Variants in GPC5 observed in about 807,000 individuals in gnomAD.
GPC5 encodes the protein glypican-5.
Under a neutral mutation model 53.9 loss-of-function variants are expected in GPC5, and 47 were observed. The ratio of observed to expected loss-of-function variants is 0.87; its 90% CI spans 0.69 to 1.11. GPC5 has a LOEUF of 1.11. GPC5 is among the 50% of genes most tolerant of loss of function. GPC5 has a pLI of 0.00. For missense variants in GPC5, 748 were observed against 713.1 expected, an observed-to-expected ratio of 1.05 and a Z score of -0.56; for synonymous variants, 286 against 263.3, an observed-to-expected ratio of 1.09 and a Z score of -0.84.
intron 5 of GPC5, among the ~76,000 whole-genome samples, chr13:91,762,986 G>A (rs2037446862): frequency 6.6e-6 from 1 of 151,800 alleles, no homozygotes; most frequent in South Asian, 2.1e-4. Flanking sequence ...CTTCTCTATT[G>A]CAGTTTCTTT....
chr13:92,846,898 T>C (rs922054891), intron 7 of GPC5, among the ~76,000 whole-genome samples: 5 of 152,208 alleles, frequency 3.3e-5, no homozygotes, highest in South Asian at 2.1e-4. Flanking sequence ...TCAAAGTCTT[T>C]CTTTTATAAT....
intron 5 of GPC5, among the ~76,000 whole-genome samples, chr13:91,905,686 A>G (rs965657651): frequency 7.2e-5 from 11 of 152,082 alleles, no homozygotes; most frequent in African/African-American, 2.2e-4. Context: ...ATAATCTCAA[A>G]CATAGAACCT....
intron 5 of GPC5, among the ~76,000 whole-genome samples, chr13:91,862,827 A>C (rs1190436866): frequency 6.6e-6 from 1 of 152,170 alleles, no homozygotes; most frequent in African/African-American, 2.4e-5. Flanking sequence ...TCAGAATCAT[A>C]CATTGACTTT....
At chr13:92,475,537 T>G (rs987531006) in intron 7 of GPC5, among the ~76,000 whole-genome samples, 3 of 151,516 alleles carry the variant, frequency 2.0e-5, no homozygotes, top group Admixed American at 6.6e-5. Context: ...GCTTGTGATT[T>G]TTGTACATTG....
chr13:91,747,831 T>C (rs1014580230), intron 4 of GPC5, among the ~76,000 whole-genome samples: 12 of 152,226 alleles, frequency 7.9e-5, no homozygotes, highest in Non-Finnish European at 1.5e-4. Flanking sequence ...TTAAACAAGA[T>C]GTTGAAGTCT....
At chr13:91,957,727 T>C (rs984237479) in intron 6 of GPC5, among the ~76,000 whole-genome samples, 1 of 151,952 alleles carries the variant, frequency 6.6e-6, no homozygotes, top group South Asian at 2.1e-4. Flanking sequence ...AACAAAGTCT[T>C]CCCCAGACAT....
intron 4 of GPC5, among the ~76,000 whole-genome samples, chr13:91,750,741 C>A (rs969035936): frequency 7.8e-6 from 1 of 128,382 alleles, no homozygotes; most frequent in Non-Finnish European, 1.5e-5. Flanking sequence ...AGTGCAATGG[C>A]GCCATCTTGG....
intron 7 of GPC5, among the ~76,000 whole-genome samples, chr13:92,602,183 ATT>A (rs1250671787): frequency 7.0e-6 from 1 of 142,796 alleles, no homozygotes; most frequent in African/African-American, 2.6e-5. Flanking sequence ...CACTATATAT[ATT>A]ACATATATAT....
At chr13:92,179,701 T>A (rs529218746) in intron 7 of GPC5, among the ~76,000 whole-genome samples, 1 of 152,356 alleles carries the variant, frequency 6.6e-6, no homozygotes, top group South Asian at 2.1e-4. Context: ...AAGAAAAATA[T>A]TCAGGGCCTA....
chr13:92,542,030 T>C (rs1270379292), intron 7 of GPC5, among the ~76,000 whole-genome samples: 2 of 152,010 alleles, frequency 1.3e-5, no homozygotes, highest in Non-Finnish European at 2.9e-5. Context: ...TGTTTTATAA[T>C]AAATTTCCAC....
At chr13:92,139,364 T>C (rs895069311) in intron 6 of GPC5, among the ~76,000 whole-genome samples, 1 of 152,198 alleles carries the variant, frequency 6.6e-6, no homozygotes, top group Non-Finnish European at 1.5e-5. Flanking sequence ...TACGGATGTT[T>C]ATCTTTCAAA....
intron 7 of GPC5, among the ~76,000 whole-genome samples, chr13:92,609,779 C>T (rs779171437): frequency 5.9e-5 from 9 of 152,072 alleles, no homozygotes; most frequent in South Asian, 2.1e-4. Context: ...CACCTGTAAT[C>T]CCAGCACTTT....
chr13:92,423,700 C>G (rs889684997), intron 7 of GPC5, among the ~76,000 whole-genome samples: 18 of 152,156 alleles, frequency 1.2e-4, no homozygotes, highest in African/African-American at 4.3e-4. Context: ...TGTTACTTAG[C>G]AACTTCACTT....
At chr13:91,775,209 T>G (rs1361941841) in intron 5 of GPC5, among the ~76,000 whole-genome samples, 1 of 152,126 alleles carries the variant, frequency 6.6e-6, no homozygotes, top group Non-Finnish European at 1.5e-5. Context: ...CTACATTTGT[T>G]TAATGACAAA....
intron 7 of GPC5, among the ~76,000 whole-genome samples, chr13:92,400,791 A>G (rs558096126): frequency 6.6e-6 from 1 of 152,224 alleles, no homozygotes; most frequent in Non-Finnish European, 1.5e-5. Flanking sequence ...CTTCCAAATA[A>G]AGAGATAACT....
At chr13:92,591,133 A>G (rs901667013) in intron 7 of GPC5, among the ~76,000 whole-genome samples, 3 of 152,206 alleles carry the variant, frequency 2.0e-5, no homozygotes, top group African/African-American at 7.2e-5. Context: ...TGGGAAAAAA[A>G]TAATGTTTAA....
chr13:91,802,847 A>G (rs1320174506), intron 5 of GPC5, among the ~76,000 whole-genome samples: 1 of 152,158 alleles, frequency 6.6e-6, no homozygotes, highest in Non-Finnish European at 1.5e-5. Flanking sequence ...TAAATAAGTT[A>G]CCTGAGCATT....
At chr13:92,057,877 TA>T (rs1301557978) in intron 6 of GPC5, among the ~76,000 whole-genome samples, 31 of 152,188 alleles carry the variant, frequency 2.0e-4, no homozygotes, top group African/African-American at 7.5e-4. Flanking sequence ...CAGATTGTTT[TA>T]TTGGGGTACA....
intron 6 of GPC5, among the ~76,000 whole-genome samples, chr13:91,993,492 A>C (rs1409007819): frequency 6.6e-6 from 1 of 152,192 alleles, no homozygotes; most frequent in Admixed American, 6.5e-5. Context: ...TGAAGCAATA[A>C]GACAACAGAA....
Sources: gnomAD v4.1 joint callset for allele counts (sites outside exome capture counted in the v4.1 genomes callset) on GRCh38, gnomAD v4.1.1 for gene constraint, MANE v1.5 for transcripts, NCBI Gene and HGNC (gene_info 2026-07-23, HGNC 2026-07-21) for gene names.